Variants in AJAP1 observed in about 807,000 individuals in gnomAD.
AJAP1 encodes adherens junction-associated protein 1.
Under a neutral mutation model 35.0 loss-of-function variants are expected in AJAP1, and 5 were observed. That is an observed-to-expected ratio of 0.14 (90% CI 0.07 to 0.30). The LOEUF (loss-of-function observed/expected upper bound fraction) is 0.30, where lower values mean the gene tolerates loss of function less well. Among genes scored for constraint, AJAP1 ranks in the 10% least tolerant of loss-of-function variants. The probability of loss-of-function intolerance (pLI) is 1.00; values close to 1 mark genes in which losing one functional copy is unlikely to be tolerated. For synonymous variants in AJAP1, 284 were observed against 249.3 expected (o/e 1.14, Z -1.31); for missense variants, 586 against 571.0 (o/e 1.03, Z -0.27).
At chr1:4,775,751 G>A (rs1374500046) in intron 5 of AJAP1, among the ~76,000 whole-genome samples, 2 of 152,226 alleles carry the variant, frequency 1.3e-5, no homozygotes, top group East Asian at 1.9e-4. Context: ...TATGGGAACC[G>A]AGCTGCCCTG....
At chr1:4,756,463 C>T (rs1328221352) in intron 2 of AJAP1, among the ~76,000 whole-genome samples, 1 of 152,170 alleles carries the variant, frequency 6.6e-6, no homozygotes, top group Non-Finnish European at 1.5e-5. Flanking sequence ...GCAAGTAATG[C>T]CCTCCTGGGT....
At chr1:4,768,881 G>A (rs1370420556) in intron 2 of AJAP1, among the ~76,000 whole-genome samples, 3 of 152,250 alleles carry the variant, frequency 2.0e-5, no homozygotes, top group African/African-American at 7.2e-5. Flanking sequence ...AAGGTGGTCT[G>A]TGGTAGGGAC....
chr1:4,679,811 GTGT>G (rs1557605845), intron 1 of AJAP1, among the ~76,000 whole-genome samples: 78 of 57,348 alleles, frequency 1.4e-3, no homozygotes, highest in African/African-American at 4.5e-3. Context: ...CCAATAGGGT[GTGT>G]GTGTGTGTGT....
chr1:4,669,027 A>G (rs566350162), intron 1 of AJAP1, among the ~76,000 whole-genome samples: 13 of 152,364 alleles, frequency 8.5e-5, no homozygotes, highest in African/African-American at 2.9e-4. Flanking sequence ...AGTCAGACTC[A>G]GCCAACATTT....
chr1:4,773,146 T>A (rs145040149), intron 4 of AJAP1, among the ~76,000 whole-genome samples: 1,585 of 152,282 alleles, frequency 0.01, 16 homozygotes, highest in African/African-American at 0.035. Context: ...AGCTTTTTTT[T>A]TAAGTGAGCA....
At chr1:4,686,902 C>T (rs1017148249) in intron 1 of AJAP1, among the ~76,000 whole-genome samples, 9 of 152,202 alleles carry the variant, frequency 5.9e-5, no homozygotes, top group Non-Finnish European at 1.0e-4. Flanking sequence ...TGTCAACCTC[C>T]AAGCAAAGGG....
At chr1:4,672,448 C>A (rs145565177) in intron 1 of AJAP1, among the ~76,000 whole-genome samples, 1,552 of 152,298 alleles carry the variant, frequency 0.01, 36 homozygotes, top group African/African-American at 0.036. Context: ...TCTTTTCAAG[C>A]CCCTGTGTTT....
In AJAP1 at chr1:4,772,274, T is replaced by C; in HGVS notation, c.918-6T>C. ...GTCCCCCTACCCCAAACTCTTTCTC[T>C]TCCAGCTGTGCCCAAAGCGGGAACA... On this transcript the variant is annotated splice_region_variant and splice_polypyrimidine_tract_variant and intron_variant, in intron 3 of 5. Coordinates refer to ENST00000378191, the MANE Select transcript of AJAP1 (RefSeq NM_018836.4). 1 of 1,613,992 alleles carries C rather than the reference T, an allele frequency of 6.2e-7. No homozygotes were observed. Among genetic ancestry groups the C allele is most frequent in the Non-Finnish European group, 8.5e-7 (1 of 1,179,942 alleles).
rs371785784 is a variant in AJAP1 at position 4,656,930 on chromosome 1, T to G, written c.29+1476T>G. ...AGGAATGACCCTGATCCAGGTGCCC[T>G]GGAGGCCTGCCATCCCCTGCTCTGC... On this transcript the variant is annotated intron_variant, in intron 1 of 5. Coordinates refer to ENST00000378191, the MANE Select transcript of AJAP1 (RefSeq NM_018836.4). This position sits in a 1 kb window ranked among gnomAD's most constrained non-coding sequence, Gnocchi z 5.7. Among the ~76,000 whole-genome samples the G allele has an allele frequency of 2.2e-4, 33 of 152,242 alleles. 1 individual carries two copies. In the South Asian group the frequency reaches 6.9e-3, roughly 32 times the overall value.
At chr1:4,658,511 C>T (rs1005083350) in intron 1 of AJAP1, among the ~76,000 whole-genome samples, 3 of 152,236 alleles carry the variant, frequency 2.0e-5, no homozygotes, top group Admixed American at 2.0e-4. Flanking sequence ...AATCCTGGCT[C>T]GCGCCGATTT....
intron 5 of AJAP1, among the ~76,000 whole-genome samples, chr1:4,781,860 CG>C (rs1642070294): frequency 6.6e-6 from 1 of 152,172 alleles, no homozygotes; most frequent in Non-Finnish European, 1.5e-5. Flanking sequence ...TTCCGAGGCT[CG>C]GGCTGGCTGG....
At chr1:4,666,589 G>T (rs35855311) in intron 1 of AJAP1, among the ~76,000 whole-genome samples, 4 of 25,754 alleles carry the variant, frequency 1.6e-4, no homozygotes, top group South Asian at 6.4e-4. Context: ...TGCGGAGAGG[G>T]GCCCGTGAAT....
At position 4,785,983 on chromosome 1, in the gene AJAP1, TCACA is replaced by T. The variant is rs1642154484; in HGVS notation, c.*3500_*3503del. 6.6e-6 allele frequency: 1 copy of T among 152,244 alleles called. No individual in the cohort carries two copies. The highest frequency in any genetic ancestry group is 2.4e-5 in the African/African-American group (1 of 41,464). The allele number at this position is 152,244 out of a possible 1,614,324, so 9.4% of individuals were successfully genotyped here. On this transcript the variant is annotated 3_prime_UTR_variant, in exon 6 of 6. Coordinates refer to ENST00000378191, the MANE Select transcript of AJAP1 (RefSeq NM_018836.4). ...TTTCAGACAAAGTCGCTGCTAGTCTTCACACGCTTGATGTCACTTTGTCTGATTG... is the reference window on the plus strand; with the variant it reads ...TTTCAGACAAAGTCGCTGCTAGTCTTCGCTTGATGTCACTTTGTCTGATTG...
At chr1:4,718,172 C>T (rs3766959) in intron 2 of AJAP1, among the ~76,000 whole-genome samples, 68,421 of 151,732 alleles carry the variant, frequency 0.45, 16,425 homozygotes, top group East Asian at 0.84. Context: ...TTCTGTTGGC[C>T]GACAGCTCAC....
chr1:4,673,670 G>A lies in AJAP1; in HGVS notation c.29+18216G>A, dbSNP rs142570504. On this transcript the variant is annotated intron_variant, in intron 1 of 5. Coordinates refer to ENST00000378191, the MANE Select transcript of AJAP1 (RefSeq NM_018836.4). ...GTGCCGGGGCTGTGGACACAGACGC[G>A]GCCAGGCAGCCTTCCCAGGGCATGT... is the stretch of plus-strand genomic sequence containing the variant. Among the ~76,000 whole-genome samples the A allele has an allele frequency of 4.3e-4, 65 of 152,288 alleles. 1 individual carries two copies. In the Middle Eastern group the frequency reaches 0.01, roughly 24 times the overall value.
intron 5 of AJAP1, among the ~76,000 whole-genome samples, chr1:4,776,699 G>A (rs537303821): frequency 6.6e-6 from 1 of 152,342 alleles, no homozygotes; most frequent in East Asian, 1.9e-4. Flanking sequence ...CTAGCCCTGT[G>A]CTGCAGCCCC....
At chr1:4,745,382 C>T (rs1291859394) in intron 2 of AJAP1, among the ~76,000 whole-genome samples, 3 of 152,054 alleles carry the variant, frequency 2.0e-5, no homozygotes, top group Non-Finnish European at 4.4e-5. Flanking sequence ...CCATTACCAG[C>T]CTTGCTTCTG....
intron 1 of AJAP1, among the ~76,000 whole-genome samples, chr1:4,675,520 G>T (rs575543032): frequency 5.3e-5 from 8 of 152,302 alleles, no homozygotes; most frequent in African/African-American, 1.7e-4. Flanking sequence ...ACATAGACCT[G>T]GTTGAATGAC....
chr1:4,728,169 C>T (rs999963153), intron 2 of AJAP1, among the ~76,000 whole-genome samples: 3 of 152,104 alleles, frequency 2.0e-5, no homozygotes, highest in African/African-American at 7.2e-5. Context: ...TGGAACCAGG[C>T]GAGGGTCTGT....
Sources: gnomAD v4.1 joint callset for allele counts (sites outside exome capture counted in the v4.1 genomes callset) on GRCh38, gnomAD v4.1.1 for gene constraint, Gnocchi (gnomAD v3.1) non-coding constraint, MANE v1.5 for transcripts, NCBI Gene and HGNC (gene_info 2026-07-23, HGNC 2026-07-21) for gene names.